The following TXLNB variants were observed in gnomAD, a reference collection of about 807,000 sequenced individuals.
The protein encoded by TXLNB is beta-taxilin.
In TXLNB, 37 loss-of-function variants were observed where a neutral mutation model predicts 57.4. The ratio of observed to expected loss-of-function variants is 0.64; its 90% CI spans 0.50 to 0.85. The LOEUF is 0.85. TXLNB is among the 40% of genes least tolerant of loss of function. The pLI, the probability that TXLNB is intolerant of heterozygous loss-of-function variation, is 0.00. For missense variants in TXLNB, 848 were observed against 825.6 expected, an observed-to-expected ratio of 1.03 and a Z score of -0.33; for synonymous variants, 302 against 309.6, an observed-to-expected ratio of 0.98 and a Z score of 0.26.
At chr6:139,266,508 G>A (rs888052643) in intron 4 of TXLNB, among the ~76,000 whole-genome samples, 1 of 152,084 alleles carries the variant, frequency 6.6e-6, no homozygotes, top group Non-Finnish European at 1.5e-5. Context: ...AAGAATCACT[G>A]AATGTGAAGA....
the TXLNB span, among the ~76,000 whole-genome samples, chr6:139,192,991 CA>C: frequency 1.3e-5 from 2 of 150,596 alleles, no homozygotes; most frequent in East Asian, 1.9e-4. Flanking sequence ...AAAAAAACAA[CA>C]AAAAAACCCT....
the TXLNB span, among the ~76,000 whole-genome samples, chr6:139,313,332 A>C: frequency 1.3e-5 from 2 of 152,122 alleles, no homozygotes; most frequent in African/African-American, 4.8e-5. Context: ...TCGGCCTCCC[A>C]AAGTGTTGGG....
At chr6:139,166,692 C>T in the TXLNB span, 7 of 1,613,156 alleles carry the variant, frequency 4.3e-6, no homozygotes, top group African/African-American at 6.7e-5. Flanking sequence ...AAGTGCAGGC[C>T]CCCAAATAAG....
At chr6:139,196,431 A>G in the TXLNB span, among the ~76,000 whole-genome samples, 7 of 122,944 alleles carry the variant, frequency 5.7e-5, no homozygotes, top group Non-Finnish European at 1.1e-4. Context: ...CTGGAGTGCA[A>G]TGGTGTGATC....
chr6:139,226,102 C>T, the TXLNB span, among the ~76,000 whole-genome samples: 199 of 151,362 alleles, frequency 1.3e-3, 1 homozygote, highest in African/African-American at 4.2e-3. Flanking sequence ...AGTTCAAGAC[C>T]GACCTGGAGA....
the TXLNB span, among the ~76,000 whole-genome samples, chr6:139,306,145 C>A: frequency 6.6e-6 from 1 of 152,096 alleles, no homozygotes; most frequent in East Asian, 1.9e-4. Context: ...AGAGTCAGTG[C>A]CCAGTAACCA....
chr6:139,180,326 T>TAA, the TXLNB span: 34 of 152,666 alleles, frequency 2.2e-4, no homozygotes, highest in Non-Finnish European at 4.6e-4. Context: ...ACTAATTTGC[T>TAA]AAGTCTTTTG....
chr6:139,179,400 G>C, the TXLNB span: 1 of 152,208 alleles, frequency 6.6e-6, no homozygotes, highest in Non-Finnish European at 1.5e-5. Context: ...ACTGCCGTCA[G>C]TGTAGTGTAT....
the TXLNB span, among the ~76,000 whole-genome samples, chr6:139,219,076 C>T: frequency 1.3e-5 from 2 of 152,176 alleles, no homozygotes; most frequent in Non-Finnish European, 2.9e-5. Flanking sequence ...GGTAAGTACT[C>T]ACTAATTGTA....
the TXLNB span, among the ~76,000 whole-genome samples, chr6:139,221,496 AG>A: frequency 6.6e-6 from 1 of 151,982 alleles, no homozygotes. Flanking sequence ...TTTTTTCTCC[AG>A]AAACTGCCCT....
upstream of TXLNB, among the ~76,000 whole-genome samples, chr6:139,293,961 T>C (rs1777347469): frequency 6.6e-6 from 1 of 152,156 alleles, no homozygotes; most frequent in African/African-American, 2.4e-5. Context: ...TTAGTAAATA[T>C]AAACAAGTCA....
chr6:139,257,307 CA>C (rs1369031744), intron 6 of TXLNB, among the ~76,000 whole-genome samples: 1 of 152,084 alleles, frequency 6.6e-6, no homozygotes, highest in African/African-American at 2.4e-5. Context: ...TATAGCTACT[CA>C]TATCTAGTTT....
At chr6:139,237,602 C>A (rs1413159839), downstream of TXLNB, 1 of 151,176 alleles carries the variant, frequency 6.6e-6, no homozygotes, top group African/African-American at 2.4e-5. Context: ...GTAACAGACA[C>A]AATAGCTATC....
At chr6:139,296,039 C>G (rs528645763), upstream of TXLNB, among the ~76,000 whole-genome samples, 2 of 152,228 alleles carry the variant, frequency 1.3e-5, no homozygotes, top group East Asian at 3.9e-4. Flanking sequence ...CCTTGACCCC[C>G]CCCTCCTCCA....
intron 2 of TXLNB, among the ~76,000 whole-genome samples, chr6:139,278,776 C>T (rs572830512): frequency 5.9e-5 from 9 of 152,276 alleles, no homozygotes; most frequent in South Asian, 2.1e-4. Context: ...GAGGCTAAGG[C>T]GGGCGGATCA....
chr6:139,233,508 C>T, the TXLNB span, among the ~76,000 whole-genome samples: 2 of 151,666 alleles, frequency 1.3e-5, no homozygotes, highest in Non-Finnish European at 2.9e-5. Flanking sequence ...AGGAACATGG[C>T]TCATTGCTTC....
At chr6:139,237,047 C>G (rs112110499), downstream of TXLNB, among the ~76,000 whole-genome samples, 1 of 152,172 alleles carries the variant, frequency 6.6e-6, no homozygotes, top group African/African-American at 2.4e-5. Flanking sequence ...CTTTTTATTG[C>G]TATCCTGCTT....
At chr6:139,231,371 C>T in the TXLNB span, among the ~76,000 whole-genome samples, 1 of 152,074 alleles carries the variant, frequency 6.6e-6, no homozygotes, top group African/African-American at 2.4e-5. Context: ...AGGCCTGAGT[C>T]ACACAACAAG....
At chr6:139,181,728 T>TCAA in the TXLNB span, among the ~76,000 whole-genome samples, 1 of 152,162 alleles carries the variant, frequency 6.6e-6, no homozygotes, top group African/African-American at 2.4e-5. Flanking sequence ...TGTAGACAAA[T>TCAA]CAACAACTGG....
Sources: allele counts gnomAD v4.1 joint callset (sites outside exome capture counted in the v4.1 genomes callset), GRCh38; gene constraint gnomAD v4.1.1; transcripts MANE v1.5; gene names NCBI Gene and HGNC (gene_info 2026-07-23, HGNC 2026-07-21).